CADM2: variants seen among roughly 807,000 people sequenced by gnomAD.
CADM2 encodes the protein cell adhesion molecule 2, also known as immunoglobulin superfamily member 4D.
CADM2 carries 12 observed loss-of-function variants against 49.8 expected under a neutral mutation model. The observed-to-expected ratio is 0.24, with a 90% CI of 0.15 to 0.39. CADM2 has a LOEUF of 0.39. Ranked by LOEUF, CADM2 falls within the 10% of genes least tolerant of loss-of-function variation. The pLI, the probability that CADM2 is intolerant of heterozygous loss-of-function variation, is 1.00. For synonymous variants in CADM2, 214 were observed against 175.4 expected (o/e 1.22, Z -1.74); for missense variants, 378 against 492.3 (o/e 0.77, Z 2.20).
chr3:85,880,913 C>G (rs1443611448), intron 3 of CADM2, among the ~76,000 whole-genome samples: 1 of 152,128 alleles, frequency 6.6e-6, no homozygotes, highest in African/African-American at 2.4e-5. Flanking sequence ...GATTGATTCT[C>G]TATCTTCCTG....
At chr3:85,849,974 G>A (rs1457170982) in intron 3 of CADM2, among the ~76,000 whole-genome samples, 1 of 152,070 alleles carries the variant, frequency 6.6e-6, no homozygotes, top group African/African-American at 2.4e-5. Context: ...TTTAATTCAG[G>A]ATACCGTAAA....
At chr3:86,040,829 G>A (rs1035644465) in intron 8 of CADM2, among the ~76,000 whole-genome samples, 3 of 152,168 alleles carry the variant, frequency 2.0e-5, no homozygotes, top group African/African-American at 7.2e-5. Flanking sequence ...GGCAGCCAGA[G>A]AGAAAGGTCG....
intron 3 of CADM2, among the ~76,000 whole-genome samples, chr3:85,822,636 T>G (rs2073657759): frequency 6.6e-6 from 1 of 151,920 alleles, no homozygotes; most frequent in South Asian, 2.1e-4. Flanking sequence ...AAAGGCAAAT[T>G]TTACCACATT....
At chr3:85,506,050 C>T (rs1183237178) in intron 1 of CADM2, among the ~76,000 whole-genome samples, 1 of 152,172 alleles carries the variant, frequency 6.6e-6, no homozygotes, top group East Asian at 1.9e-4. Flanking sequence ...ACAATTAAAA[C>T]TTGCATTATA....
At chr3:85,758,248 A>T (rs1276671934) in intron 2 of CADM2, among the ~76,000 whole-genome samples, 1 of 152,156 alleles carries the variant, frequency 6.6e-6, no homozygotes, top group Non-Finnish European at 1.5e-5. Flanking sequence ...TAAAGCAATG[A>T]ACATTAATCA....
rs113780408 is a variant in CADM2 at position 85,448,943 on chromosome 3, T to C, written c.62-277579T>C. On this transcript the variant is annotated intron_variant, in intron 1 of 9. Transcript: ENST00000383699. ...TGCGCGCCTGTAATCCCAGCTACGT[T>C]GGTGGCTGAGGCAGGACAATCGCTT... Among the ~76,000 whole-genome samples the C allele has an allele frequency of 5.0e-4, 76 of 151,134 alleles. No homozygotes were observed. The East Asian group carries it at 0.015, about 29-fold the overall frequency.
chr3:85,099,981 TC>T (rs1286864258), intron 1 of CADM2, among the ~76,000 whole-genome samples: 2 of 152,194 alleles, frequency 1.3e-5, no homozygotes, highest in Non-Finnish European at 1.5e-5. Flanking sequence ...TGTTTTTTTT[TC>T]CTCATTGTTC....
rs563109622 is a variant in CADM2 at position 85,008,263 on chromosome 3, A to T, written c.61+48595A>T. Among the ~76,000 whole-genome samples, 4 of 152,336 alleles carry T rather than the reference A, an allele frequency of 2.6e-5. No individual in the cohort carries two copies. In the South Asian group the frequency reaches 8.3e-4, roughly 32 times the overall value. On this transcript the variant is annotated intron_variant, in intron 1 of 9. Coordinates refer to ENST00000383699, the MANE Select transcript of CADM2 (RefSeq NM_001167675.2). ...CTATGACTTTTTGTATATATAATAC[A>T]AAGTTTTATAAATTTTGCTTTTGTC...
chr3:85,094,596 AATG>A (rs1294195073), intron 1 of CADM2, among the ~76,000 whole-genome samples: 1 of 152,168 alleles, frequency 6.6e-6, no homozygotes, highest in East Asian at 1.9e-4. Context: ...TTTTCTTTAA[AATG>A]ATGATAACTT....
chr3:84,984,048 T>TACACAC (rs10603844), intron 1 of CADM2, among the ~76,000 whole-genome samples: 42 of 143,304 alleles, frequency 2.9e-4, no homozygotes, highest in African/African-American at 7.3e-4. Flanking sequence ...TATATATATA[T>TACACAC]ACACACACAC....
intron 2 of CADM2, among the ~76,000 whole-genome samples, chr3:85,799,013 G>C (rs1329748703): frequency 6.6e-6 from 1 of 151,908 alleles, no homozygotes; most frequent in Admixed American, 6.6e-5. Context: ...ATTTCTAGGT[G>C]TTTTATTCTC....
At chr3:85,030,203 G>C (rs1185397289) in intron 1 of CADM2, among the ~76,000 whole-genome samples, 1 of 152,100 alleles carries the variant, frequency 6.6e-6, no homozygotes, top group Non-Finnish European at 1.5e-5. Context: ...GAAACACTTA[G>C]ACAATTCATT....
At chr3:85,192,086 A>C (rs763997828) in intron 1 of CADM2, among the ~76,000 whole-genome samples, 1 of 151,946 alleles carries the variant, frequency 6.6e-6, no homozygotes, top group East Asian at 1.9e-4. Context: ...GACAACTTAT[A>C]ATAAATCATT....
chr3:85,044,975 C>T (rs2035590674), intron 1 of CADM2, among the ~76,000 whole-genome samples: 1 of 151,986 alleles, frequency 6.6e-6, no homozygotes, highest in Admixed American at 6.6e-5. Context: ...GAGCCTGGCA[C>T]ACTCTACTTC....
intron 5 of CADM2, among the ~76,000 whole-genome samples, chr3:85,896,741 A>C (rs1372544108): frequency 6.6e-6 from 1 of 152,260 alleles, no homozygotes; most frequent in African/African-American, 2.4e-5. Context: ...TGTCAATCAA[A>C]GATAATGCAG....
At chr3:86,021,060 C>T (rs140099512) in intron 8 of CADM2, among the ~76,000 whole-genome samples, 251 of 152,130 alleles carry the variant, frequency 1.6e-3, no homozygotes, top group African/African-American at 4.5e-3. Flanking sequence ...AGTGCGGTGA[C>T]GAGATCTCGG....
At chr3:85,427,199 T>G (rs918694662) in intron 1 of CADM2, among the ~76,000 whole-genome samples, 1 of 129,374 alleles carries the variant, frequency 7.7e-6, no homozygotes, top group Non-Finnish European at 1.7e-5. Context: ...TATATATATA[T>G]ATGTATAATA....
At chr3:85,787,008 T>G (rs2071030497) in intron 2 of CADM2, among the ~76,000 whole-genome samples, 1 of 152,080 alleles carries the variant, frequency 6.6e-6, no homozygotes, top group Admixed American at 6.6e-5. Flanking sequence ...GAAATATATA[T>G]TTGAAAAAGA....
At chr3:85,442,588 G>GTATATATA (rs55882841) in intron 1 of CADM2, among the ~76,000 whole-genome samples, 94 of 120,880 alleles carry the variant, frequency 7.8e-4, no homozygotes, top group Middle Eastern at 4.2e-3. Flanking sequence ...TTATATATGA[G>GTATATATA]TATATATATA....
Sources: gnomAD v4.1 joint callset for allele counts (sites outside exome capture counted in the v4.1 genomes callset) on GRCh38, gnomAD v4.1.1 for gene constraint, MANE v1.5 for transcripts, NCBI Gene and HGNC (gene_info 2026-07-23, HGNC 2026-07-21) for gene names.